FRMPD3: variants seen among roughly 807,000 people sequenced by gnomAD.
FRMPD3 encodes the protein FERM and PDZ domain-containing protein 3.
FRMPD3 carries 42 observed loss-of-function variants against 97.9 expected under a neutral mutation model. The observed-to-expected ratio is 0.43, with a 90% CI of 0.34 to 0.55. The LOEUF is 0.55. Ranked by LOEUF, FRMPD3 falls within the 20% of genes least tolerant of loss-of-function variation. The pLI is 0.03. For synonymous variants in FRMPD3, 577 were observed against 581.1 expected (o/e 0.99, Z 0.10); for missense variants, 1,303 against 1,457.7 (o/e 0.89, Z 1.73).
At chrX:107,507,963 C>T (rs747657150) in intron 1 of FRMPD3, among the ~76,000 whole-genome samples, 1 of 112,421 alleles carries the variant, frequency 8.9e-6, no homozygotes, top group Non-Finnish European at 1.9e-5. Context: ...GGCATTCACT[C>T]AGTGCTTTCT....
chrX:107,514,490 C>G (rs865855926), intron 1 of FRMPD3, among the ~76,000 whole-genome samples: 6 of 108,267 alleles, frequency 5.5e-5, no homozygotes, highest in Admixed American at 3.0e-4. Flanking sequence ...GCGAGCTTGT[C>G]GGATCCCGGA....
At chrX:107,538,540 T>TAAAAA (rs55749241) in intron 4 of FRMPD3, among the ~76,000 whole-genome samples, 2 of 63,766 alleles carry the variant, frequency 3.1e-5, no homozygotes, top group Admixed American at 2.0e-4. Flanking sequence ...CTATATTTGT[T>TAAAAA]AAAAAAAAAA....
chrX:107,576,624 G>A (rs1188323049), intron 13 of FRMPD3, among the ~76,000 whole-genome samples, 165 bp downstream of exon 13: 1 of 112,302 alleles, frequency 8.9e-6, no homozygotes, highest in Non-Finnish European at 1.9e-5. Flanking sequence ...CAGCCCAGTG[G>A]GAAAGACAGC....
chrX:107,464,227 T>C (rs1007657935), intron 1 of FRMPD3, among the ~76,000 whole-genome samples: 1 of 112,273 alleles, frequency 8.9e-6, no homozygotes, highest in East Asian at 2.8e-4. Context: ...TTTTTTGATA[T>C]TGAGCTGATA....
At chrX:107,480,243 T>G (rs1013635875) in intron 1 of FRMPD3, among the ~76,000 whole-genome samples, 1 of 110,839 alleles carries the variant, frequency 9.0e-6, no homozygotes, top group Non-Finnish European at 1.9e-5. Context: ...ATGTGGAAGA[T>G]TGGAGTGTGG....
intron 1 of FRMPD3, among the ~76,000 whole-genome samples, chrX:107,462,917 A>C (rs1931500678): frequency 9.0e-6 from 1 of 111,523 alleles, no homozygotes; most frequent in Non-Finnish European, 1.9e-5. Context: ...CATCTCCTCA[A>C]AAACTGAATT....
At chrX:107,450,083 C>T (rs1931251531) in intron 1 of FRMPD3, among the ~76,000 whole-genome samples, 78 bp downstream of exon 1, 1 of 110,279 alleles carries the variant, frequency 9.1e-6, no homozygotes, top group Admixed American at 9.4e-5. Flanking sequence ...GGGAGCGTTC[C>T]GCCCCGGGCC....
Position 107,601,975 on chromosome X carries a change from C to A in FRMPD3, c.3936C>A (p.Ala1312=). 1.7e-6 allele frequency: 2 copies of A among 1,170,098 alleles called. No individual in the cohort carries two copies. The highest frequency in any genetic ancestry group is 2.3e-6 in the Non-Finnish European group (2 of 876,711). The change falls in exon 15 of 15, where the codon GCC becomes GCA. Residue 1312 remains alanine, a synonymous_variant. Transcript: ENST00000683843. ...TCTGCCGGGGGGGCCGGCCACAAGC[C>A]ACCCAGACACCAGTGCCCAGCCTCC... ...KRICRGGRPQ[A]TQTPVPSLRG...
At chrX:107,534,314 C>T (rs749295872) in intron 4 of FRMPD3, among the ~76,000 whole-genome samples, 117 of 111,320 alleles carry the variant, frequency 1.1e-3, no homozygotes, top group African/African-American at 3.7e-3. Flanking sequence ...ATTCAGAGCC[C>T]TCACTCTACC....
chrX:107,541,593 TG>T (rs1386730305), intron 4 of FRMPD3, among the ~76,000 whole-genome samples: 1 of 112,677 alleles, frequency 8.9e-6, no homozygotes, highest in African/African-American at 3.2e-5. Context: ...ACTGAATCTT[TG>T]GTTTTCAGTG....
Position 107,601,345 on chromosome X carries a change from C to G in FRMPD3, c.3306C>G (p.Ser1102Arg). 8.3e-7 allele frequency: 1 copy of G among 1,206,708 alleles called. No homozygotes were observed. The highest frequency in any genetic ancestry group is 1.1e-6 in the Non-Finnish European group (1 of 893,009). Residue 1102 changes from serine to arginine, a missense_variant, in exon 15 of 15, where the codon AGC becomes AGG. Transcript: ENST00000683843. ...PTLQKQGTIS[S>R]QGEKAQLEST... Reference sequence around the variant, plus strand: ...TGCAGAAGCAGGGCACCATCTCCAGCCAAGGGGAGAAGGCGCAGCTGGAGA... The same window carrying G: ...TGCAGAAGCAGGGCACCATCTCCAGGCAAGGGGAGAAGGCGCAGCTGGAGA...
chrX:107,520,434 G>A (rs1353689154), intron 1 of FRMPD3, among the ~76,000 whole-genome samples: 2 of 108,628 alleles, frequency 1.8e-5, no homozygotes, highest in Non-Finnish European at 1.9e-5. Flanking sequence ...GAGCCCCAGA[G>A]TTCGAGACCA....
In FRMPD3 at chrX:107,600,523, G is replaced by A. The variant is rs1349389232; in HGVS notation, c.2484G>A (p.Thr828=). ...GCTGTGCAGCCCAGGCCGTTCTTAC[G>A]GCCCCTTACTCTCTTGGGCGCCCGG... The part of the protein sequence containing the change: ...IQSCAAQAVL[T]APYSLGRPDP... The change falls in exon 15 of 15, where the codon ACG becomes ACA. Residue 828 remains threonine, a synonymous_variant. Coordinates refer to ENST00000683843, the MANE Select transcript of FRMPD3 (RefSeq NM_001388459.1). 3 of 1,208,803 alleles carry A rather than the reference G, an allele frequency of 2.5e-6. No homozygotes were observed. Among genetic ancestry groups the A allele is most frequent in the South Asian group, 1.8e-5 (1 of 56,754 alleles).
In FRMPD3 at chrX:107,554,524, T is replaced by C; in HGVS notation, c.762+20T>C. The C allele has an allele frequency of 8.3e-7, 1 of 1,199,595 alleles. No individual in the cohort carries two copies. Among genetic ancestry groups the C allele is most frequent in the East Asian group, 3.0e-5 (1 of 33,410 alleles). Reference sequence around the variant, plus strand: ...ATCCAGGTAGAGTCTGGCTTGGGGATACACAGACAGACCAGTGGACAAAGA... The same window carrying C: ...ATCCAGGTAGAGTCTGGCTTGGGGACACACAGACAGACCAGTGGACAAAGA... On this transcript the variant is annotated intron_variant, in intron 8 of 14. Transcript: ENST00000683843.
intron 1 of FRMPD3, among the ~76,000 whole-genome samples, chrX:107,480,858 G>GGAAA (rs1323076828): frequency 1.9e-5 from 1 of 53,325 alleles, no homozygotes; most frequent in Non-Finnish European, 3.6e-5. Flanking sequence ...AAAGAAAGAA[G>GGAAA]GAAAGAAAGA....
intron 4 of FRMPD3, among the ~76,000 whole-genome samples, chrX:107,535,304 A>T (rs1706348864): frequency 8.9e-6 from 1 of 111,942 alleles, no homozygotes; most frequent in Admixed American, 9.5e-5. Context: ...GATCACAAGA[A>T]GTTGCAACGA....
chrX:107,490,798 A>C (rs1243688936), intron 1 of FRMPD3, among the ~76,000 whole-genome samples: 1 of 111,897 alleles, frequency 8.9e-6, no homozygotes, highest in Admixed American at 9.5e-5. Flanking sequence ...TGGTATGTAC[A>C]TAAGCCTTTC....
At chrX:107,600,132 G>A (rs1027857586) in intron 14 of FRMPD3, among the ~76,000 whole-genome samples, 171 bp from the exon 15 acceptor site, 1 of 111,816 alleles carries the variant, frequency 8.9e-6, no homozygotes, top group Admixed American at 9.5e-5. Context: ...ATGTACATAG[G>A]TTACATGCAA....
chrX:107,531,426 A>G (rs1374367009), intron 3 of FRMPD3, among the ~76,000 whole-genome samples: 1 of 107,626 alleles, frequency 9.3e-6, no homozygotes, highest in Non-Finnish European at 1.9e-5. Context: ...ATCTCCTTCA[A>G]GTCCTCCTGG....
Sources: allele counts gnomAD v4.1 joint callset (sites outside exome capture counted in the v4.1 genomes callset), GRCh38; gene constraint gnomAD v4.1.1; transcripts MANE v1.5; gene names NCBI Gene and HGNC (gene_info 2026-07-23, HGNC 2026-07-21).